The following DLGAP1 variants were observed in gnomAD, a reference collection of about 807,000 sequenced individuals.
The protein encoded by DLGAP1 is DLG associated protein 1.
Under a neutral mutation model 90.8 loss-of-function variants are expected in DLGAP1, and 11 were observed. The observed-to-expected ratio is 0.12, with a 90% CI of 0.08 to 0.20. The LOEUF is 0.20. Among genes scored for constraint, DLGAP1 ranks in the 10% least tolerant of loss-of-function variants. The pLI is 1.00. For missense variants in DLGAP1, 1,050 were observed against 1,333.8 expected (o/e 0.79, Z 3.31); for synonymous variants, 558 against 540.7 (o/e 1.03, Z -0.44).
chr18:3,513,937 T>C (rs2050683107), intron 10 of DLGAP1, among the ~76,000 whole-genome samples: 1 of 152,122 alleles, frequency 6.6e-6, no homozygotes, highest in South Asian at 2.1e-4. Context: ...ACCCTCCCAG[T>C]GGGTCTATGG....
At chr18:4,436,265 G>A (rs2083396280) in intron 1 of DLGAP1, among the ~76,000 whole-genome samples, 2 of 152,108 alleles carry the variant, frequency 1.3e-5, no homozygotes, top group African/African-American at 4.8e-5. Context: ...GGGACCAGCA[G>A]GCAAAGATGT....
chr18:3,887,954 A>G (rs2071360560), intron 3 of DLGAP1, among the ~76,000 whole-genome samples: 1 of 151,654 alleles, frequency 6.6e-6, no homozygotes, highest in African/African-American at 2.4e-5. Context: ...TAAAAATACA[A>G]AAAATTAGCC....
At chr18:4,189,267 A>C (rs867906683) in intron 1 of DLGAP1, among the ~76,000 whole-genome samples, 1 of 151,920 alleles carries the variant, frequency 6.6e-6, no homozygotes, top group Admixed American at 6.6e-5. Flanking sequence ...TTTTATTTTT[A>C]TTTCATTAGG....
intron 1 of DLGAP1, among the ~76,000 whole-genome samples, chr18:4,300,633 T>C (rs2080102526): frequency 6.6e-6 from 1 of 152,176 alleles, no homozygotes; most frequent in Non-Finnish European, 1.5e-5. Flanking sequence ...CCCCTCTTTC[T>C]GCTTTTAAAG....
intron 1 of DLGAP1, among the ~76,000 whole-genome samples, chr18:4,236,017 T>G (rs932563869): frequency 2.8e-4 from 43 of 152,104 alleles, no homozygotes; most frequent in African/African-American, 1.0e-3. Flanking sequence ...TGAGCCACCA[T>G]GCCTGGCCTC....
chr18:3,877,992 G>T (rs2071046911), intron 4 of DLGAP1, among the ~76,000 whole-genome samples: 3 of 152,100 alleles, frequency 2.0e-5, no homozygotes, highest in Admixed American at 2.0e-4. Context: ...GCCAGCTTGG[G>T]GTCTTCTCAG....
At chr18:3,755,823 G>A (rs954061517) in intron 5 of DLGAP1, among the ~76,000 whole-genome samples, 4 of 152,170 alleles carry the variant, frequency 2.6e-5, no homozygotes, top group Non-Finnish European at 4.4e-5. Context: ...CAGAACTAAC[G>A]GATACCTATA....
At chr18:4,231,424 T>C (rs1598676203) in intron 1 of DLGAP1, among the ~76,000 whole-genome samples, 1 of 152,136 alleles carries the variant, frequency 6.6e-6, no homozygotes, top group East Asian at 1.9e-4. Context: ...CTGTGGGAAG[T>C]AATGGCAGTA....
chr18:4,445,515 T>A (rs2083642490), intron 1 of DLGAP1, among the ~76,000 whole-genome samples: 1 of 142,814 alleles, frequency 7.0e-6, no homozygotes, highest in South Asian at 2.2e-4. Flanking sequence ...ATCTCAATGT[T>A]CAATTCCCAC....
intron 1 of DLGAP1, among the ~76,000 whole-genome samples, chr18:4,359,682 C>T (rs2081592183): frequency 6.6e-6 from 1 of 152,110 alleles, no homozygotes; most frequent in Non-Finnish European, 1.5e-5. Flanking sequence ...CTGCACGAGA[C>T]TACTATAGTT....
chr18:4,214,099 G>A (rs1337849665), intron 1 of DLGAP1, among the ~76,000 whole-genome samples: 1 of 152,146 alleles, frequency 6.6e-6, no homozygotes, highest in Non-Finnish European at 1.5e-5. Context: ...AACTCATCAA[G>A]ACGGATAAAG....
intron 7 of DLGAP1, among the ~76,000 whole-genome samples, chr18:3,664,311 C>T (rs1320403153): frequency 6.6e-6 from 1 of 152,064 alleles, no homozygotes; most frequent in Non-Finnish European, 1.5e-5. Flanking sequence ...AAGAATTGCC[C>T]AGCTGAACCC....
intron 1 of DLGAP1, among the ~76,000 whole-genome samples, chr18:4,382,236 G>A (rs994149079): frequency 2.0e-5 from 3 of 152,134 alleles, no homozygotes; most frequent in African/African-American, 4.8e-5. Flanking sequence ...TGCAGCTGGA[G>A]TCCCATTCCC....
At chr18:4,113,554 C>T (rs2076010377) in intron 2 of DLGAP1, among the ~76,000 whole-genome samples, 1 of 152,050 alleles carries the variant, frequency 6.6e-6, no homozygotes, top group African/African-American at 2.4e-5. Context: ...AATATTTTCT[C>T]CCATTCTGTA....
intron 7 of DLGAP1, chr18:3,603,452 GC>G (rs2057173107): frequency 6.6e-6 from 1 of 152,140 alleles, no homozygotes; most frequent in Non-Finnish European, 1.5e-5. Flanking sequence ...GAGAAAAGCA[GC>G]CCGGCTAGAC....
chr18:4,223,039 T>C (rs948795730), intron 1 of DLGAP1, among the ~76,000 whole-genome samples: 9 of 152,118 alleles, frequency 5.9e-5, no homozygotes, highest in African/African-American at 2.2e-4. Context: ...GAAGCACTTA[T>C]GTCCAGGAGA....
At chr18:4,344,696 C>T (rs1461246120) in intron 1 of DLGAP1, among the ~76,000 whole-genome samples, 1 of 152,114 alleles carries the variant, frequency 6.6e-6, no homozygotes, top group Non-Finnish European at 1.5e-5. Flanking sequence ...TCTAATTTTC[C>T]CAACTACCCC....
intron 7 of DLGAP1, among the ~76,000 whole-genome samples, chr18:3,680,950 GAAGA>G (rs1263525321): frequency 6.6e-6 from 1 of 152,184 alleles, no homozygotes; most frequent in East Asian, 1.9e-4. Flanking sequence ...CGTGAAAGAT[GAAGA>G]AAGAAGGCTA....
Position 3,814,052 on chromosome 18 carries a change from T to C in DLGAP1, c.1172+7A>G. 2 of 1,612,550 alleles carry C rather than the reference T, an allele frequency of 1.2e-6. No individual in the cohort carries two copies. On this transcript the variant is annotated splice_region_variant and intron_variant, in intron 5 of 12. Coordinates refer to ENST00000315677, the MANE Select transcript of DLGAP1 (RefSeq NM_004746.4). ...ACTATCGCAAGTGCAGGGTTAGGAC[T>C]ACTCACTTGAGTGTGGTGAGTTCTG...
Sources: allele counts gnomAD v4.1 joint callset (sites outside exome capture counted in the v4.1 genomes callset), GRCh38; gene constraint gnomAD v4.1.1; transcripts MANE v1.5; gene names NCBI Gene and HGNC (gene_info 2026-07-23, HGNC 2026-07-21).